The following ANK2 variants were observed in gnomAD, a reference collection of about 807,000 sequenced individuals.
ANK2 encodes ankyrin 2.
In ANK2, 83 loss-of-function variants were observed where a neutral mutation model predicts 360.5. The ratio of observed to expected loss-of-function variants is 0.23; its 90% CI spans 0.19 to 0.28. The LOEUF is 0.28. ANK2 is among the 10% of genes least tolerant of loss of function. The probability of loss-of-function intolerance (pLI) is 1.00; values close to 1 mark genes in which losing one functional copy is unlikely to be tolerated. For synonymous variants in ANK2, 1,740 were observed against 1,759.5 expected, an observed-to-expected ratio of 0.99 and a Z score of 0.28; for missense variants, 4,201 against 4,795.7, an observed-to-expected ratio of 0.88 and a Z score of 3.66.
intron 1 of ANK2, chr4:112,827,170 CTG>C: frequency 8.6e-7 from 1 of 1,156,164 alleles, no homozygotes; most frequent in Non-Finnish European, 1.3e-6. Flanking sequence ...AAATTACATC[CTG>C]TGTAGTGATA....
Position 113,341,714 on chromosome 4 carries a change from T to C in ANK2, c.3920T>C (p.Ile1307Thr). 6.2e-7 allele frequency: 1 copy of C among 1,614,144 alleles called. No homozygotes were observed. Among genetic ancestry groups the C allele is most frequent in the African/African-American group, 1.3e-5 (1 of 75,058 alleles). The change falls in exon 33 of 46, where the codon ATC becomes ACC. Residue 1307 changes from isoleucine to threonine, a missense_variant. This residue lies in a region of ANK2 where 1,268 missense variants were observed against 1,650.8 expected (regional missense o/e 0.77). Coordinates refer to ENST00000357077, the MANE Select transcript of ANK2 (RefSeq NM_001148.6). ...ARFWLIDCRQ[I>T]QESVTFASQV... ...TTCTGGCTGATAGATTGTCGACAGA[T>C]CCAGGAATCCGTTACTTTTGCATCA...
At chr4:113,032,382 G>A (rs2060604513) in intron 2 of ANK2, among the ~76,000 whole-genome samples, 2 of 152,050 alleles carry the variant, frequency 1.3e-5, no homozygotes, top group African/African-American at 4.8e-5. Flanking sequence ...TACAGAATGT[G>A]AGGCAGTGGA....
At chr4:113,137,239 G>A (rs1390846341) in intron 1 of ANK2, among the ~76,000 whole-genome samples, 1 of 152,200 alleles carries the variant, frequency 6.6e-6, no homozygotes, top group Non-Finnish European at 1.5e-5. Flanking sequence ...TTGAAACAGA[G>A]CAAAGCTAGA....
chr4:113,183,921 AG>A (rs1213591341), intron 2 of ANK2, among the ~76,000 whole-genome samples: 3 of 151,624 alleles, frequency 2.0e-5, no homozygotes, highest in Non-Finnish European at 4.4e-5. Flanking sequence ...TGACATCAGG[AG>A]GTTTAAAAAG....
intron 10 of ANK2, among the ~76,000 whole-genome samples, chr4:113,254,817 C>G (rs1399853744): frequency 6.6e-6 from 1 of 152,120 alleles, no homozygotes; most frequent in Non-Finnish European, 1.5e-5. Context: ...TAATGACTGT[C>G]AAACTGGATA....
chr4:113,336,837 T>C, intron 31 of ANK2, 56 bp downstream of exon 31: 6 of 1,519,040 alleles, frequency 3.9e-6, no homozygotes, highest in Non-Finnish European at 4.6e-6. Flanking sequence ...ACTTAGATCG[T>C]TGTAAATATT....
intron 1 of ANK2, among the ~76,000 whole-genome samples, chr4:113,092,442 C>A (rs1379416086): frequency 6.6e-6 from 1 of 152,088 alleles, no homozygotes; most frequent in Admixed American, 6.5e-5. Context: ...AAAAAGCAGA[C>A]TCTCAGACCC....
chr4:112,725,357 CTTTTTTTT>C, the ANK2 span, among the ~76,000 whole-genome samples: 1 of 73,594 alleles, frequency 1.4e-5, no homozygotes, highest in Non-Finnish European at 2.5e-5. Flanking sequence ...AAGACACAGT[CTTTTTTTT>C]TTTTTTTTTT....
chr4:113,164,204 A>G (rs2097670320), intron 1 of ANK2, among the ~76,000 whole-genome samples: 1 of 152,204 alleles, frequency 6.6e-6, no homozygotes, highest in Admixed American at 6.5e-5. Context: ...TCAGATGGTC[A>G]CAGTGTGGTT....
At chr4:112,754,130 T>C in the ANK2 span, among the ~76,000 whole-genome samples, 1 of 143,266 alleles carries the variant, frequency 7.0e-6, no homozygotes, top group Non-Finnish European at 1.5e-5. Flanking sequence ...TATATATATA[T>C]ATATATATAT....
Position 113,021,994 on chromosome 4 carries a change from A to G in ANK2, c.21+117480A>G, listed in dbSNP as rs563256764. On this transcript the variant is annotated intron_variant, in intron 2 of 30. Transcript: ENST00000503271. ...TTTTTAAAACCTTCAGAGCCTTTAA[A>G]TGTTTCCCCCATTTGGGTAATTTTA... Among the ~76,000 whole-genome samples, 176 of 152,264 alleles carry G rather than the reference A, an allele frequency of 1.2e-3. 1 individual carries two copies. Among genetic ancestry groups the G allele is most frequent in the Non-Finnish European group, 2.3e-3 (154 of 68,006 alleles).
In ANK2 at chr4:112,951,785, A is replaced by T. The variant is rs530594638; in HGVS notation, c.21+47271A>T. ...CACACAATTTATGTAGAGGGAGCAC[A>T]TATTTTACGAGTAATAAGAAAACAG... On this transcript the variant is annotated intron_variant, in intron 2 of 30. Transcript: ENST00000503271. 9.1e-4 allele frequency among the ~76,000 whole-genome samples: 139 copies of T among 152,352 alleles called. 1 individual carries two copies. Among genetic ancestry groups the T allele is most frequent in the Non-Finnish European group, 1.6e-3 (108 of 68,026 alleles).
At chr4:112,761,301 G>GT in the ANK2 span, among the ~76,000 whole-genome samples, 1 of 151,984 alleles carries the variant, frequency 6.6e-6, no homozygotes, top group East Asian at 1.9e-4. Flanking sequence ...CTTAAACAGT[G>GT]TTCTGAGTTG....
intron 1 of ANK2, among the ~76,000 whole-genome samples, chr4:113,108,480 A>G (rs1019992517): frequency 6.6e-6 from 1 of 152,184 alleles, no homozygotes; most frequent in Non-Finnish European, 1.5e-5. Flanking sequence ...TGGGATAAAC[A>G]TACTTGACTC....
chr4:113,251,894 G>A (rs992771095), intron 10 of ANK2, among the ~76,000 whole-genome samples: 1 of 152,088 alleles, frequency 6.6e-6, no homozygotes, highest in Non-Finnish European at 1.5e-5. Context: ...CAGAGAAGAT[G>A]AATTAATCAG....
intron 37 of ANK2, 103 bp downstream of exon 37, chr4:113,350,352 T>TACCAC: frequency 1.1e-6 from 1 of 941,084 alleles, no homozygotes; most frequent in East Asian, 2.6e-5. Context: ...ACTATAGTAA[T>TACCAC]TACATTTTTA....
chr4:113,311,721 A>G (rs995289553), intron 24 of ANK2, among the ~76,000 whole-genome samples: 13 of 152,214 alleles, frequency 8.5e-5, no homozygotes, highest in Non-Finnish European at 1.8e-4. Context: ...AATTAAAAGG[A>G]CAATTTTGCC....
chr4:113,317,931 G>A (rs1032480888), intron 25 of ANK2, 122 bp downstream of exon 25: 3 of 829,096 alleles, frequency 3.6e-6, no homozygotes, highest in African/African-American at 3.4e-5. Context: ...CAGTTGAGAA[G>A]CTAGGATAAG....
At chr4:113,368,023 T>C (rs1407276350) in intron 42 of ANK2, among the ~76,000 whole-genome samples, 172 bp downstream of exon 42, 1 of 152,284 alleles carries the variant, frequency 6.6e-6, no homozygotes, top group East Asian at 1.9e-4. Flanking sequence ...AGAGACATAA[T>C]TGTGACAGTG....
Sources: allele counts gnomAD v4.1 joint callset (sites outside exome capture counted in the v4.1 genomes callset), GRCh38; gene constraint gnomAD v4.1.1; regional missense constraint gnomAD v4.1.1; transcripts MANE v1.5; gene names NCBI Gene and HGNC (gene_info 2026-07-23, HGNC 2026-07-21).